Variants in MAST4 observed in about 807,000 individuals in gnomAD.
MAST4 encodes microtubule associated serine/threonine kinase family member 4, also known as microtubule-associated serine/threonine-protein kinase 4.
Under a neutral mutation model 162.7 loss-of-function variants are expected in MAST4, and 89 were observed. The ratio of observed to expected loss-of-function variants is 0.55; its 90% confidence interval spans 0.46 to 0.65. The LOEUF is 0.65. Ranked by LOEUF, MAST4 falls within the 30% of genes least tolerant of loss-of-function variation. The pLI, the probability that MAST4 is intolerant of heterozygous loss-of-function variation, is 0.00. For missense variants in MAST4, 3,153 were observed against 3,374.0 expected (o/e 0.93, Z 1.62); for synonymous variants, 1,479 against 1,361.1 (o/e 1.09, Z -1.91).
intron 4 of MAST4, among the ~76,000 whole-genome samples, chr5:67,028,381 G>T (rs768052637): frequency 6.6e-6 from 1 of 152,108 alleles, no homozygotes; most frequent in Non-Finnish European, 1.5e-5. Flanking sequence ...GCCACTGAAG[G>T]GTTTTGTACA....
chr5:67,087,961 A>G (rs1763433573), intron 5 of MAST4, among the ~76,000 whole-genome samples: 1 of 152,194 alleles, frequency 6.6e-6, no homozygotes, highest in South Asian at 2.1e-4. Context: ...TGCGAAGGCA[A>G]AATCTGAATA....
chr5:66,598,775 A>G (rs1262484871), intron 1 of MAST4, among the ~76,000 whole-genome samples: 1 of 152,190 alleles, frequency 6.6e-6, no homozygotes, highest in Non-Finnish European at 1.5e-5. Context: ...AGGGTGCTCC[A>G]TGGTAAGTGA....
At chr5:66,717,768 G>A (rs569756569) in intron 1 of MAST4, among the ~76,000 whole-genome samples, 2 of 152,296 alleles carry the variant, frequency 1.3e-5, no homozygotes, top group South Asian at 4.1e-4. Context: ...GGAGGCTGCA[G>A]CTAATCTCCC....
rs539695641 is a variant in MAST4 at position 66,920,532 on chromosome 5, T to C, written c.674+20550T>C. Among the ~76,000 whole-genome samples the C allele has an allele frequency of 3.6e-4, 55 of 152,306 alleles. 2 individuals are homozygous for C. The South Asian group carries it at 0.011, about 30-fold the overall frequency. On this transcript the variant is annotated intron_variant, in intron 4 of 28. Coordinates refer to ENST00000403625, the MANE Select transcript of MAST4 (RefSeq NM_001164664.2). Reference sequence around the variant, plus strand: ...ATTAATATGTTTCTCTTATAATACCTACACTGAAACATTGAATGTGTGATC... The same window carrying C: ...ATTAATATGTTTCTCTTATAATACCCACACTGAAACATTGAATGTGTGATC...
At chr5:66,852,353 C>T (rs1270892058) in intron 3 of MAST4, among the ~76,000 whole-genome samples, 4 of 152,096 alleles carry the variant, frequency 2.6e-5, no homozygotes, top group Admixed American at 6.6e-5. Context: ...CCATGTTGCC[C>T]AGGGTGGTCT....
chr5:66,732,594 G>C (rs1014629775), intron 1 of MAST4, among the ~76,000 whole-genome samples: 1 of 152,200 alleles, frequency 6.6e-6, no homozygotes, highest in Non-Finnish European at 1.5e-5. Flanking sequence ...ACAATGCTTT[G>C]TGAACTTTAT....
At chr5:66,769,568 C>A (rs1478887644) in intron 2 of MAST4, among the ~76,000 whole-genome samples, 1 of 152,202 alleles carries the variant, frequency 6.6e-6, no homozygotes, top group Non-Finnish European at 1.5e-5. Flanking sequence ...GGTCACGCAT[C>A]TTTACAGCAT....
chr5:66,981,168 C>T (rs752145841), intron 4 of MAST4, among the ~76,000 whole-genome samples: 26 of 133,990 alleles, frequency 1.9e-4, no homozygotes, highest in Admixed American at 4.1e-4. Context: ...CTTTGAGTGG[C>T]ACCACTTATT....
At chr5:66,834,003 A>G (rs1757786134) in intron 3 of MAST4, among the ~76,000 whole-genome samples, 1 of 152,150 alleles carries the variant, frequency 6.6e-6, no homozygotes, top group Admixed American at 6.6e-5. Flanking sequence ...GAGATTACAA[A>G]TCTTTTAGCA....
Position 67,152,707 on chromosome 5 carries a change from A to G in MAST4, c.3366A>G (p.Ser1122=). Residue 1122 remains serine (S), a synonymous_variant, in exon 25 of 29, where the codon TCA becomes TCG. Coordinates refer to ENST00000403625, the MANE Select transcript of MAST4 (RefSeq NM_001164664.2). The part of the protein sequence containing the change: ...PHSLSSDPSS[S]RDSSPSRDSS... ...CCCTGTCCTCGGACCCTTCTTCTTC[A>G]CGAGATTCCTCTCCCAGCCGAGATT... The G allele has an allele frequency of 6.2e-7, 1 of 1,613,982 alleles. No individual in the cohort carries two copies. The highest frequency in any genetic ancestry group is 8.5e-7 in the Non-Finnish European group (1 of 1,179,888).
At position 67,055,022 on chromosome 5, in the gene MAST4, T is replaced by C. The variant is rs549769379; in HGVS notation, c.763+530T>C. ...CTTTATATGCTGGTTTTTTTTTTTT[T>C]CTTCAAAGTTCTATCCATGGTGATG... On this transcript the variant is annotated intron_variant, in intron 5 of 28. Transcript: ENST00000403625. Among the ~76,000 whole-genome samples, 65 of 151,898 alleles carry C rather than the reference T, an allele frequency of 4.3e-4. No individual in the cohort carries two copies. In the South Asian group the frequency reaches 0.013, roughly 31 times the overall value.
chr5:67,015,380 A>G (rs1753161096), intron 4 of MAST4, among the ~76,000 whole-genome samples: 1 of 152,190 alleles, frequency 6.6e-6, no homozygotes, highest in Admixed American at 6.5e-5. Context: ...TCCTTCAGCC[A>G]CTTAACAGGT....
chr5:66,798,534 A>G (rs1484256244), intron 3 of MAST4, among the ~76,000 whole-genome samples: 1 of 152,168 alleles, frequency 6.6e-6, no homozygotes, highest in Non-Finnish European at 1.5e-5. Flanking sequence ...TGTTTCCAAG[A>G]TGATTCACCA....
At chr5:66,788,607 C>CCCCCCCCAAAAAA in intron 2 of MAST4, 63 bp from the exon 3 acceptor site, 1 of 1,373,728 alleles carries the variant, frequency 7.3e-7, no homozygotes, top group Non-Finnish European at 1.0e-6. Context: ...CCCCCACCCC[C>CCCCCCCCAAAAAA]ATTGCAATAA....
At chr5:66,670,958 T>C (rs1747572486) in intron 1 of MAST4, among the ~76,000 whole-genome samples, 1 of 152,164 alleles carries the variant, frequency 6.6e-6, no homozygotes, top group Non-Finnish European at 1.5e-5. Flanking sequence ...ACTTTACCCT[T>C]CTATAGGCCT....
intron 1 of MAST4, among the ~76,000 whole-genome samples, chr5:66,688,958 A>T (rs1276805299): frequency 6.6e-6 from 1 of 152,172 alleles, no homozygotes; most frequent in African/African-American, 2.4e-5. Context: ...ATTTACAAGT[A>T]TGTCTCTACC....
At chr5:66,681,172 G>A (rs1389779470) in intron 1 of MAST4, among the ~76,000 whole-genome samples, 2 of 152,206 alleles carry the variant, frequency 1.3e-5, no homozygotes, top group Non-Finnish European at 2.9e-5. Flanking sequence ...AGTCTCAAAA[G>A]CACTTTTCAC....
At chr5:66,982,077 G>T (rs1326010241) in intron 4 of MAST4, among the ~76,000 whole-genome samples, 1 of 152,184 alleles carries the variant, frequency 6.6e-6, no homozygotes, top group Non-Finnish European at 1.5e-5. Context: ...TAAAGATGAG[G>T]AAATCAGGAT....
chr5:67,080,613 G>A (rs1762489332), intron 5 of MAST4, among the ~76,000 whole-genome samples: 2 of 152,066 alleles, frequency 1.3e-5, no homozygotes, highest in Admixed American at 1.3e-4. Flanking sequence ...TATGTATAAA[G>A]GCAAATTATG....
Sources: allele counts gnomAD v4.1 joint callset (sites outside exome capture counted in the v4.1 genomes callset), GRCh38; gene constraint gnomAD v4.1.1; transcripts MANE v1.5; gene names NCBI Gene and HGNC (gene_info 2026-07-23, HGNC 2026-07-21).